Variants in NOP2 observed in about 807,000 individuals in gnomAD.
NOP2 encodes the protein 28S rRNA (cytosine(4447)-C(5))-methyltransferase.
A neutral mutation model predicts 72.7 loss-of-function variants in NOP2; 7 were observed. That is an observed-to-expected ratio of 0.10 (90% CI 0.05 to 0.18). The LOEUF (loss-of-function observed/expected upper bound fraction) is 0.18. Among genes scored for constraint, NOP2 ranks in the 10% least tolerant of loss-of-function variants. The pLI, the probability that NOP2 is intolerant of heterozygous loss-of-function variation, is 1.00. For missense variants in NOP2, 954 were observed against 1,014.7 expected (o/e 0.94, Z 0.81); for synonymous variants, 387 against 388.0 (o/e 1.00, Z 0.03).
At position 6,567,879 on chromosome 12, in the gene NOP2, G is replaced by T; in HGVS notation, c.40C>A (p.Pro14Thr). The T allele has an allele frequency of 6.8e-6, 11 of 1,613,994 alleles. No homozygotes were observed. The highest frequency in any genetic ancestry group is 9.3e-6 in the Non-Finnish European group (11 of 1,179,894). The stretch of plus-strand genomic sequence containing the variant: ...TTCTGCTTCCGGGCCTTTCGGCCTG[G>T]CCCCCGCTTCTCCTTCGTAGGGTCC... ...KLDPTKEKRG[P>T]GRKARKQKGA... is the part of the protein sequence containing the mutation. Residue 14 changes from proline (P) to threonine (T), a missense_variant, in exon 2 of 16, where the codon CCA becomes ACA. By Grantham distance (38) the Pro-to-Thr change is conservative. Transcript: ENST00000322166.
rs1280926948 is a variant in NOP2, at chr12:6,561,779, C to T, written c.1092G>A (p.Gly364=). Residue 364 remains glycine (G), a synonymous_variant, in exon 11 of 16, where the codon GGG becomes GGA. Coordinates refer to ENST00000322166, the MANE Select transcript of NOP2 (RefSeq NM_001258308.2). ...TGGAGGCTCCCTGCAGCATGTAGTG[C>T]CCAGCCAGGTACTCGGGGGTAGCAC... is the stretch of plus-strand genomic sequence containing the variant. ...PIGATPEYLA[G]HYMLQGASSM... 1 of 1,610,722 alleles carries T rather than the reference C, an allele frequency of 6.2e-7. No homozygotes were observed. The highest frequency in any genetic ancestry group is 1.7e-5 in the Admixed American group (1 of 59,302).
At position 6,560,139 on chromosome 12, in the gene NOP2, T is replaced by C; in HGVS notation, c.1748A>G (p.Lys583Arg). Residue 583 changes from lysine (K) to arginine (R), a missense_variant, in exon 15 of 16, where the codon AAG (lysine) becomes AGG (arginine). Coordinates refer to ENST00000322166, the MANE Select transcript of NOP2 (RefSeq NM_001258308.2). This position sits in a 1 kb window ranked among gnomAD's most constrained non-coding sequence, Gnocchi z 5.0. The part of the protein sequence containing the change: ...THNMDGFFIA[K>R]FKKFSNSIPQ... ...GATAGAATTGGAAAATTTCTTGAAC[T>C]TGGCAATGAAGAACCCATCCATATT... 1 of 1,614,012 alleles carries C rather than the reference T, an allele frequency of 6.2e-7. No homozygotes were observed.
chr12:6,562,678 C>T (rs1007228423), intron 9 of NOP2, among the ~76,000 whole-genome samples: 2 of 152,178 alleles, frequency 1.3e-5, no homozygotes, highest in African/African-American at 4.8e-5. Context: ...ACACATATAA[C>T]CCAACAACTG....
rs555886597 is a variant in NOP2 at position 6,563,922 on chromosome 12, G to A, written c.499C>T (p.Arg167Trp). ...EALLPIERAARKQKAREAAAG... is the reference protein window; with the variant it reads ...EALLPIERAAWKQKAREAAAG... ...GCAGCTTCCCGGGCCTTCTGCTTCC[G>A]AGCAGCTCTTTCAATGGGCAGCAAC... Residue 167 changes from arginine to tryptophan, a missense_variant, in exon 6 of 16, where the codon CGG (arginine) becomes TGG (tryptophan). Physicochemically the swap from Arg to Trp is moderately radical, Grantham distance 101. Around this residue, in one of 3 missense-constraint regions of NOP2, gnomAD observed 498 missense variants for 478.3 expected, o/e 1.04. Transcript: ENST00000322166. The A allele has an allele frequency of 1.7e-5, 28 of 1,613,544 alleles. 1 individual carries two copies. Among genetic ancestry groups the A allele is most frequent in the Admixed American group, 5.0e-5 (3 of 59,974 alleles).
chr12:6,566,833 A>C lies in NOP2; in HGVS notation c.104-11T>G. The C allele has an allele frequency of 6.2e-7, 1 of 1,607,800 alleles. No individual in the cohort carries two copies. The highest frequency in any genetic ancestry group is 8.5e-7 in the Non-Finnish European group (1 of 1,176,682). On this transcript the variant is annotated splice_polypyrimidine_tract_variant and intron_variant, in intron 2 of 15. Coordinates refer to ENST00000322166, the MANE Select transcript of NOP2 (RefSeq NM_001258308.2). Reference sequence around the variant, plus strand: ...AATTTTCGTCACTTACTGTTTAAAAAAGAAAAACGAGGCAGAACAAGTTAC... The same window carrying C: ...AATTTTCGTCACTTACTGTTTAAAACAGAAAAACGAGGCAGAACAAGTTAC...
At chr12:6,564,489 C>T (rs1401132343) in intron 5 of NOP2, among the ~76,000 whole-genome samples, 1 of 151,412 alleles carries the variant, frequency 6.6e-6, no homozygotes, top group Non-Finnish European at 1.5e-5. Flanking sequence ...AGTGCAATGG[C>T]GCGTCTTGGC....
chr12:6,562,758 C>T (rs557666788), intron 9 of NOP2, among the ~76,000 whole-genome samples: 76 of 152,320 alleles, frequency 5.0e-4, no homozygotes, highest in Admixed American at 3.4e-3. Context: ...ATTGACTGTG[C>T]ATATGTGTCT....
chr12:6,566,444 C>G (rs1229982137), intron 4 of NOP2, 85 bp downstream of exon 4: 1 of 1,519,390 alleles, frequency 6.6e-7, no homozygotes, highest in Non-Finnish European at 9.1e-7. Flanking sequence ...CTGTTCCTTT[C>G]ACTCCGGAAA....
At chr12:6,562,099 T>C (rs2136172369) in intron 9 of NOP2, 128 bp from the exon 10 acceptor site, 1 of 709,356 alleles carries the variant, frequency 1.4e-6, no homozygotes, top group East Asian at 2.7e-5. Flanking sequence ...AGCGATTCTC[T>C]CGTGCCTCAG....
intron 15 of NOP2, chr12:6,558,237 T>A (rs1225492319): frequency 1.3e-5 from 4 of 315,706 alleles, no homozygotes; most frequent in Non-Finnish European, 2.4e-5. Context: ...AGTAACAAGA[T>A]GCTGTAAGGA....
rs1218191226 is a variant in NOP2 at position 6,566,252 on chromosome 12, G to T, written c.323C>A (p.Ala108Glu). The change falls in exon 5 of 16, where the codon GCA (alanine) becomes GAA (glutamate). Residue 108 changes from alanine to glutamate, a missense_variant. Ala to Glu is a moderately radical substitution (Grantham distance 107, BLOSUM62 -1). Coordinates refer to ENST00000322166, the MANE Select transcript of NOP2 (RefSeq NM_001258308.2). ...CTCCTCTTCCTCATCACTGCCAGGT[G>T]CTGGGCGCTTCTTGCCTCGAGGAGC... is the stretch of plus-strand genomic sequence containing the variant. Reference protein sequence around the residue: ...FNAPRGKKRPAPGSDEEEEEE... With the variant: ...FNAPRGKKRPEPGSDEEEEEE... 1.9e-6 allele frequency: 3 copies of T among 1,613,988 alleles called. No homozygotes were observed. Among genetic ancestry groups the T allele is most frequent in the Non-Finnish European group, 2.5e-6 (3 of 1,179,888 alleles).
At chr12:6,564,671 C>T (rs1025497776) in intron 5 of NOP2, among the ~76,000 whole-genome samples, 5 of 151,734 alleles carry the variant, frequency 3.3e-5, no homozygotes, top group African/African-American at 7.3e-5. Context: ...TCAGGTGATC[C>T]GCCCACCTCG....
rs765765860 is a variant in NOP2 at position 6,563,696 on chromosome 12, C to G, written c.606G>C (p.Lys202Asn). The part of the protein sequence containing the change: ...KEVTPESGPP[K>N]VEEADGGLQI... ...GCAGGCCCCCATCTGCCTCTTCCAC[C>G]TTTGGGGGGCCTGACTCAGGGGTCA... Residue 202 changes from lysine to asparagine, a missense_variant, in exon 7 of 16, where the codon AAG becomes AAC. This residue lies in a region of NOP2 where 498 missense variants were observed against 478.3 expected (regional missense o/e 1.04). Transcript: ENST00000322166. The G allele has an allele frequency of 6.2e-7, 1 of 1,613,756 alleles. No homozygotes were observed. The highest frequency in any genetic ancestry group is 1.7e-5 in the Admixed American group (1 of 59,986).
At position 6,563,115 on chromosome 12, in the gene NOP2, T is replaced by C. The variant is rs1281017020; in HGVS notation, c.944A>G (p.Asn315Ser). 1.9e-6 allele frequency: 3 copies of C among 1,597,352 alleles called. No homozygotes were observed. In the South Asian group the frequency reaches 3.4e-5, roughly 18 times the overall value. The change falls in exon 9 of 16, where the codon AAT becomes AGT. Residue 315 changes from asparagine (N) to serine (S), a missense_variant. This residue lies in a region of NOP2 where 498 missense variants were observed against 478.3 expected (regional missense o/e 1.04). Transcript: ENST00000322166. ...EVPRPVTLRT[N>S]TLKTRRRDLA... ...GTCTCGGCGTCGGGTTTTCAAGGTA[T>C]TGGTCCGGAGGGTGACGGGCCGAGG...
rs1002430986 is a variant in NOP2 at position 6,561,920 on chromosome 12, T to C, written c.1030A>G (p.Thr344Ala). 1.2e-6 allele frequency: 2 copies of C among 1,612,470 alleles called. No homozygotes were observed. Among genetic ancestry groups the C allele is most frequent in the African/African-American group, 1.3e-5 (1 of 74,726 alleles). ...GAAGAATCATACACCACTAGTCCAG[T>C]CTTTGACCACTTGCCCAGGGGATCC... ...NLDPLGKWSK[T>A]GLVVYDSSVP... Residue 344 changes from threonine to alanine, a missense_variant, in exon 10 of 16, where the codon ACT becomes GCT. By Grantham distance (58) the Thr-to-Ala change is moderately conservative (BLOSUM62 0). This residue lies in a region of NOP2 where 498 missense variants were observed against 478.3 expected (regional missense o/e 1.04). Transcript: ENST00000322166.
In NOP2 at chr12:6,566,512, C is replaced by T. The variant is rs753052033; in HGVS notation, c.238+17G>A. The T allele has an allele frequency of 2.5e-6, 4 of 1,611,942 alleles. No homozygotes were observed. Among genetic ancestry groups the T allele is most frequent in the Non-Finnish European group, 3.4e-6 (4 of 1,178,052 alleles). ...AAGGGACTCCTCATGTAGCATCCAG[C>T]TCTTAGTTTCACGGACCTTTTGGTA... On this transcript the variant is annotated intron_variant, in intron 4 of 15. Transcript: ENST00000322166.
In NOP2 at chr12:6,562,952, G is replaced by A. The variant is rs1947686040; in HGVS notation, c.978+129C>T. 4 of 885,266 alleles carry A rather than the reference G, an allele frequency of 4.5e-6. No individual in the cohort carries two copies. The East Asian group carries it at 7.9e-5, about 18-fold the overall frequency. 54.8% of individuals were successfully genotyped at this position (885,266 alleles called of 1,614,324 possible). Reference sequence around the variant, plus strand: ...TCCTGCCAGAGACATCAGGCCTCTGGGTTTGCCCCCCCAGGATCATGCTTA... The same window carrying A: ...TCCTGCCAGAGACATCAGGCCTCTGAGTTTGCCCCCCCAGGATCATGCTTA... On this transcript the variant is annotated intron_variant, in intron 9 of 15. Coordinates refer to ENST00000322166, the MANE Select transcript of NOP2 (RefSeq NM_001258308.2).
At chr12:6,566,049 G>T (rs558826361) in intron 5 of NOP2, 52 bp downstream of exon 5, 10 of 1,452,908 alleles carry the variant, frequency 6.9e-6, no homozygotes, top group Admixed American at 5.8e-5. Context: ...ATCTGGGAAA[G>T]AAACTAAATA....
chr12:6,565,649 A>AT (rs1433434715), intron 5 of NOP2, among the ~76,000 whole-genome samples: 1 of 151,562 alleles, frequency 6.6e-6, no homozygotes, highest in South Asian at 2.1e-4. Context: ...CAATTTTTTA[A>AT]TTTTTTGTAG....
Sources: allele counts gnomAD v4.1 joint callset (sites outside exome capture counted in the v4.1 genomes callset), GRCh38; gene constraint gnomAD v4.1.1; regional missense constraint gnomAD v4.1.1; non-coding constraint Gnocchi (gnomAD v3.1); transcripts MANE v1.5; gene names NCBI Gene and HGNC (gene_info 2026-07-23, HGNC 2026-07-21).